Variants in NKAIN3 observed in about 807,000 individuals in gnomAD.
The protein encoded by NKAIN3 is sodium/potassium-transporting ATPase subunit beta-1-interacting protein 3.
NKAIN3 carries 25 observed loss-of-function variants against 30.2 expected under a neutral mutation model. That is an observed-to-expected ratio of 0.83 (90% CI 0.60 to 1.16). The LOEUF is 1.16. Among genes scored for constraint, NKAIN3 ranks in the 50% most tolerant of loss-of-function variants. NKAIN3 has a pLI of 0.00. For missense variants in NKAIN3, 225 were observed against 254.1 expected (o/e 0.89, Z 0.78); for synonymous variants, 91 against 89.6 (o/e 1.02, Z -0.09).
At chr8:62,309,684 G>C (rs1262507579) in intron 1 of NKAIN3, among the ~76,000 whole-genome samples, 1 of 150,294 alleles carries the variant, frequency 6.7e-6, no homozygotes, top group Non-Finnish European at 1.5e-5. Flanking sequence ...ATTTTCAGTT[G>C]AATCTTGACA....
downstream of NKAIN3, among the ~76,000 whole-genome samples, chr8:62,989,495 A>G (rs564370471): frequency 6.6e-6 from 1 of 152,258 alleles, no homozygotes; most frequent in Non-Finnish European, 1.5e-5. Flanking sequence ...AGATCTCATG[A>G]GACTTATTCA....
chr8:62,771,795 A>T (rs1032085386), intron 4 of NKAIN3, among the ~76,000 whole-genome samples: 4 of 152,142 alleles, frequency 2.6e-5, no homozygotes, highest in Non-Finnish European at 5.9e-5. Flanking sequence ...CATAGTAGAT[A>T]TACATATTTA....
At chr8:62,994,700 G>A (rs557760379) in intron 5 of NKAIN3, among the ~76,000 whole-genome samples, 133 of 152,116 alleles carry the variant, frequency 8.7e-4, no homozygotes, top group Admixed American at 2.2e-3. Context: ...TTTGACTAAG[G>A]CATTAACCGA....
intron 3 of NKAIN3, among the ~76,000 whole-genome samples, chr8:62,590,982 T>TA (rs965322083): frequency 4.7e-4 from 72 of 151,972 alleles, no homozygotes; most frequent in Non-Finnish European, 9.6e-4. Flanking sequence ...TTCTAAGATA[T>TA]AAAAAAGTAA....
chr8:62,559,884 C>A (rs1585946159), intron 1 of NKAIN3, among the ~76,000 whole-genome samples: 1 of 152,096 alleles, frequency 6.6e-6, no homozygotes, highest in African/African-American at 2.4e-5. Flanking sequence ...TTCAAAATTT[C>A]TTATTTGATC....
chr8:62,800,008 C>T (rs188034338), intron 4 of NKAIN3, among the ~76,000 whole-genome samples: 119 of 152,114 alleles, frequency 7.8e-4, no homozygotes, highest in Admixed American at 1.8e-3. Flanking sequence ...TATGAGGACG[C>T]AATGCATAAG....
At chr8:62,276,718 G>A (rs1423296955) in intron 1 of NKAIN3, among the ~76,000 whole-genome samples, 5 of 152,222 alleles carry the variant, frequency 3.3e-5, no homozygotes, top group Middle Eastern at 3.4e-3. Context: ...AAGGTTAAAC[G>A]TAAAGGCCAG....
chr8:62,670,275 A>G (rs370670732), intron 3 of NKAIN3, among the ~76,000 whole-genome samples: 210 of 152,256 alleles, frequency 1.4e-3, no homozygotes, highest in Middle Eastern at 6.8e-3. Flanking sequence ...AGAGAACAGG[A>G]CAAGCATGGG....
At chr8:62,495,641 A>G (rs1432272964) in intron 1 of NKAIN3, among the ~76,000 whole-genome samples, 1 of 151,834 alleles carries the variant, frequency 6.6e-6, no homozygotes, top group East Asian at 1.9e-4. Flanking sequence ...TAAATAAAAC[A>G]GAATAAACCT....
intron 5 of NKAIN3, among the ~76,000 whole-genome samples, chr8:62,944,165 T>C (rs930132692): frequency 6.6e-6 from 1 of 152,188 alleles, no homozygotes; most frequent in East Asian, 1.9e-4. Context: ...GAAACATATA[T>C]ATATAACTAT....
intron 3 of NKAIN3, among the ~76,000 whole-genome samples, chr8:62,693,450 C>T (rs1210629220): frequency 6.6e-6 from 1 of 152,170 alleles, no homozygotes; most frequent in African/African-American, 2.4e-5. Flanking sequence ...AGTCATATGG[C>T]ATATAGCATT....
intron 1 of NKAIN3, among the ~76,000 whole-genome samples, chr8:62,289,024 G>C (rs188099060): frequency 1.2e-4 from 18 of 152,254 alleles, no homozygotes; most frequent in Non-Finnish European, 1.9e-4. Flanking sequence ...GTATCTGTTG[G>C]CTGCGTAAAT....
At chr8:62,265,280 C>A (rs1271557222) in intron 1 of NKAIN3, among the ~76,000 whole-genome samples, 1 of 152,204 alleles carries the variant, frequency 6.6e-6, no homozygotes, top group African/African-American at 2.4e-5. Context: ...TATAATTAAT[C>A]TCTTCTACAA....
intron 4 of NKAIN3, among the ~76,000 whole-genome samples, chr8:62,824,485 C>T (rs1018872542): frequency 2.0e-4 from 28 of 142,704 alleles, no homozygotes; most frequent in African/African-American, 6.9e-4. Flanking sequence ...AAAATACCAC[C>T]TCTTCAACAC....
chr8:62,400,468 G>A (rs547800024), intron 1 of NKAIN3, among the ~76,000 whole-genome samples: 1 of 151,978 alleles, frequency 6.6e-6, no homozygotes, highest in African/African-American at 2.4e-5. Context: ...CATGACACCT[G>A]GTCAAATGCT....
At chr8:62,782,111 G>T (rs1817371044) in intron 4 of NKAIN3, among the ~76,000 whole-genome samples, 1 of 151,682 alleles carries the variant, frequency 6.6e-6, no homozygotes, top group African/African-American at 2.4e-5. Flanking sequence ...ATGGAAAAAA[G>T]ACATGAATAG....
At chr8:62,411,209 A>G (rs1039155698) in intron 1 of NKAIN3, among the ~76,000 whole-genome samples, 2 of 152,212 alleles carry the variant, frequency 1.3e-5, no homozygotes, top group Non-Finnish European at 2.9e-5. Context: ...ACCATGATCA[A>G]TTAGGCTTTA....
At chr8:62,886,668 A>G (rs1454404992) in intron 4 of NKAIN3, among the ~76,000 whole-genome samples, 1 of 151,902 alleles carries the variant, frequency 6.6e-6, no homozygotes, top group Non-Finnish European at 1.5e-5. Flanking sequence ...CTCTCTTTTT[A>G]ATTTTACTTT....
chr8:62,988,238 T>C (rs1824243863), downstream of NKAIN3, among the ~76,000 whole-genome samples: 2 of 152,148 alleles, frequency 1.3e-5, no homozygotes, highest in Admixed American at 1.3e-4. Context: ...AGATGCACAG[T>C]GCAATCTGTC....
Sources: gnomAD v4.1 joint callset for allele counts (sites outside exome capture counted in the v4.1 genomes callset) on GRCh38, gnomAD v4.1.1 for gene constraint, MANE v1.5 for transcripts, NCBI Gene and HGNC (gene_info 2026-07-23, HGNC 2026-07-21) for gene names.